Variants in PLPP2 observed in about 807,000 individuals in gnomAD.
PLPP2 encodes the protein phospholipid phosphatase 2.
In PLPP2, 29 loss-of-function variants were observed where a neutral mutation model predicts 35.2. The observed-to-expected ratio is 0.82, with a 90% confidence interval of 0.61 to 1.12. The LOEUF is 1.12. Among genes scored for constraint, PLPP2 ranks in the 50% most tolerant of loss-of-function variants. The pLI is 0.00. For synonymous variants in PLPP2, 162 were observed against 167.0 expected, an observed-to-expected ratio of 0.97 and a Z score of 0.23; for missense variants, 353 against 375.2, an observed-to-expected ratio of 0.94 and a Z score of 0.49.
Position 288,833 on chromosome 19 carries a change from A to G in PLPP2, c.53-662T>C, listed in dbSNP as rs192067869. Among the ~76,000 whole-genome samples the G allele has an allele frequency of 2.3e-3, 354 of 152,310 alleles. 3 individuals are homozygous for G. The highest frequency in any genetic ancestry group is 8.1e-3 in the African/African-American group (335 of 41,566). ...GAGGGGCCTACCGTATTCAGGGCAGAGTCCCTGGAGCCTGCTCAGGGCCTG... is the reference window on the plus strand; with the variant it reads ...GAGGGGCCTACCGTATTCAGGGCAGGGTCCCTGGAGCCTGCTCAGGGCCTG... On this transcript the variant is annotated intron_variant, in intron 1 of 5. Coordinates refer to ENST00000434325, the MANE Select transcript of PLPP2 (RefSeq NM_003712.4).
At position 287,536 on chromosome 19, in the gene PLPP2, G is replaced by T. The variant is rs761935368; in HGVS notation, c.420C>A (p.Cys140Ter). 6.2e-7 allele frequency: 1 copy of T among 1,613,748 alleles called. No homozygotes were observed. Among genetic ancestry groups the T allele is most frequent in the Non-Finnish European group, 8.5e-7 (1 of 1,180,032 alleles). Residue 140 changes from cysteine to a stop codon, truncating the protein, a stop_gained, in exon 3 of 6, where the codon TGC (cysteine) becomes TGA (stop). Coordinates refer to ENST00000434325, the MANE Select transcript of PLPP2 (RefSeq NM_003712.4). LOFTEE classifies it high-confidence loss of function. The surrounding 1 kb of genome is among the most constrained non-coding windows in gnomAD (Gnocchi z 4.3). ...VCDPDWSRVNCSVYVQLEKVC... is the reference protein window; with the variant it reads ...VCDPDWSRVN ...CCTTCTCCAGCTGCACATAGACCGA[G>T]CAGTTGACCCGGCTCCAGTCGGGGT...
chr19:284,828 G>A (rs981254275), intron 3 of PLPP2: 5 of 152,170 alleles, frequency 3.3e-5, no homozygotes, highest in Non-Finnish European at 7.3e-5. Context: ...TTGAAAATAG[G>A]TCAATTGGCC....
At chr19:282,402 G>A (rs1415734089) in intron 4 of PLPP2, 92 bp from the exon 5 acceptor site, 8 of 805,062 alleles carry the variant, frequency 9.9e-6, no homozygotes, top group East Asian at 5.7e-5. Flanking sequence ...CCTGCCAGGC[G>A]CTCCCCCTCC....
rs1370908059 is a variant in PLPP2, at chr19:291,367, C to A, written c.-31G>T. On this transcript the variant is annotated 5_prime_UTR_variant, in exon 1 of 6. Coordinates refer to ENST00000434325, the MANE Select transcript of PLPP2 (RefSeq NM_003712.4). ...CCGCGACCCCCGACGCCGGTCCCAG[C>A]GCGTCCCGTCGCGTCCCGGCCCGGC... is the stretch of plus-strand genomic sequence containing the variant. 1.9e-6 allele frequency: 3 copies of A among 1,573,058 alleles called. No homozygotes were observed. The highest frequency in any genetic ancestry group is 1.5e-5 in the African/African-American group (1 of 68,270).
In PLPP2 at chr19:287,433, C is replaced by T. The variant is rs775613597; in HGVS notation, c.482+41G>A. 2.5e-6 allele frequency: 4 copies of T among 1,575,678 alleles called. No individual in the cohort carries two copies. Among genetic ancestry groups the T allele is most frequent in the Admixed American group, 3.4e-5 (2 of 58,232 alleles). On this transcript the variant is annotated intron_variant, in intron 3 of 5. Transcript: ENST00000434325. This position sits in a 1 kb window ranked among gnomAD's most constrained non-coding sequence, Gnocchi z 4.3. ...TTTGGCTCCAGGGCCTTCTTCAGCT[C>T]CCATTCCCCACAAGAGTGAAGGCTG...
At chr19:290,505 G>A (rs774524767) in intron 1 of PLPP2, among the ~76,000 whole-genome samples, 4 of 152,162 alleles carry the variant, frequency 2.6e-5, no homozygotes, top group Non-Finnish European at 5.9e-5. Flanking sequence ...CTGTGAGATG[G>A]CAGAGAAGCA....
chr19:287,568 C>A lies in PLPP2; in HGVS notation c.388G>T (p.Val130Phe). ...IGRLRPNFLA[V>F]CDPDWSRVNC... ...ACCCGGCTCCAGTCGGGGTCGCAGACGGCTAGGAAGTTGGGCCTCAGACGC... is the reference window on the plus strand; with the variant it reads ...ACCCGGCTCCAGTCGGGGTCGCAGAAGGCTAGGAAGTTGGGCCTCAGACGC... The change falls in exon 3 of 6, where the codon GTC (valine) becomes TTC (phenylalanine). Residue 130 changes from valine to phenylalanine, a missense_variant. Val to Phe is a conservative substitution (Grantham distance 50). Coordinates refer to ENST00000434325, the MANE Select transcript of PLPP2 (RefSeq NM_003712.4). The surrounding 1 kb of genome is among the most constrained non-coding windows in gnomAD (Gnocchi z 4.3). The A allele has an allele frequency of 6.2e-7, 1 of 1,613,828 alleles. No homozygotes were observed. The highest frequency in any genetic ancestry group is 8.5e-7 in the Non-Finnish European group (1 of 1,180,044).
At position 287,686 on chromosome 19, in the gene PLPP2, G is replaced by A; in HGVS notation, c.270C>T (p.Asn90=). Reference sequence around the variant, plus strand: ...GCACCTTGTATACAGCAGCCACGTAGTTGTTGAAGTCCGAGCGAGAATAGA... The same window carrying A: ...GCACCTTGTATACAGCAGCCACGTAATTGTTGAAGTCCGAGCGAGAATAGA... ...DRLYSRSDFN[N]YVAAVYKVLG... is the part of the protein sequence containing the mutation. Residue 90 remains asparagine (N), a synonymous_variant, in exon 3 of 6, where the codon AAC becomes AAT. Coordinates refer to ENST00000434325, the MANE Select transcript of PLPP2 (RefSeq NM_003712.4). This position sits in a 1 kb window ranked among gnomAD's most constrained non-coding sequence, Gnocchi z 4.3. 6.2e-7 allele frequency: 1 copy of A among 1,613,966 alleles called. No individual in the cohort carries two copies. The highest frequency in any genetic ancestry group is 1.1e-5 in the South Asian group (1 of 91,090).
At chr19:289,476 G>A (rs1370806378) in intron 1 of PLPP2, among the ~76,000 whole-genome samples, 1 of 76,266 alleles carries the variant, frequency 1.3e-5, no homozygotes, top group Admixed American at 1.3e-4. Flanking sequence ...AGCACTTTGG[G>A]AGGCCGAGGC....
At chr19:291,159 C>G (rs1195654900) in intron 1 of PLPP2, 126 bp downstream of exon 1, 2 of 1,484,724 alleles carry the variant, frequency 1.3e-6, no homozygotes, top group Non-Finnish European at 1.8e-6. Context: ...GCGAGGTCCC[C>G]GCCTCCAGGG....
intron 1 of PLPP2, among the ~76,000 whole-genome samples, chr19:290,409 G>C (rs796723887): frequency 3.3e-5 from 5 of 152,332 alleles, no homozygotes; most frequent in African/African-American, 1.2e-4. Context: ...ACCACGGGCT[G>C]GCAGACACCC....
Position 287,144 on chromosome 19 carries a change from A to C in PLPP2, c.482+330T>G, listed in dbSNP as rs1399633377. 3.8e-6 allele frequency: 1 copy of C among 264,576 alleles called. No homozygotes were observed. Among genetic ancestry groups the C allele is most frequent in the African/African-American group, 2.2e-5 (1 of 45,174 alleles). The allele number at this position is 264,576 out of a possible 1,614,324, so 16.4% of individuals were successfully genotyped here. On this transcript the variant is annotated intron_variant, in intron 3 of 5. Transcript: ENST00000434325. The surrounding 1 kb of genome is among the most constrained non-coding windows in gnomAD (Gnocchi z 4.3). ...TAGCTATGTTAATATCAGACAAAAC[A>C]GACATCAAGACAAAAATTGTTGAGA...
At chr19:281,806 T>G (rs1286165203) in intron 5 of PLPP2, among the ~76,000 whole-genome samples, 2 of 58,322 alleles carry the variant, frequency 3.4e-5, no homozygotes, top group African/African-American at 1.3e-4. Context: ...TCCTGTGCAC[T>G]GGGGTGCAGG....
At chr19:289,481 C>T (rs1052883251) in intron 1 of PLPP2, among the ~76,000 whole-genome samples, 1 of 88,020 alleles carries the variant, frequency 1.1e-5, no homozygotes. Flanking sequence ...TTTGGGAGGC[C>T]GAGGCGGGCA....
chr19:288,060 C>A lies in PLPP2; in HGVS notation c.164G>T (p.Gly55Val). The A allele has an allele frequency of 6.2e-7, 1 of 1,613,880 alleles. No homozygotes were observed. The highest frequency in any genetic ancestry group is 8.5e-7 in the Non-Finnish European group (1 of 1,179,978). Residue 55 changes from glycine to valine, a missense_variant, in exon 2 of 6, where the codon GGG (glycine) becomes GTG (valine). By Grantham distance (109) the Gly-to-Val change is moderately radical. Coordinates refer to ENST00000434325, the MANE Select transcript of PLPP2 (RefSeq NM_003712.4). ...CGTGATGGTGACCCCAGCCATGAGC[C>A]CGTGGGTGATGGTATCTGGACGGTA... ...YPYRPDTITH[G>V]LMAGVTITAT... is the part of the protein sequence containing the mutation.
intron 4 of PLPP2, 140 bp downstream of exon 4, chr19:282,612 C>T (rs1970202773): frequency 1.0e-6 from 1 of 973,706 alleles, no homozygotes; most frequent in African/African-American, 1.6e-5. Context: ...CCCAGGGCCT[C>T]CCGTTTTTAT....
chr19:289,007 G>T (rs952354077), intron 1 of PLPP2, among the ~76,000 whole-genome samples: 1 of 151,732 alleles, frequency 6.6e-6, no homozygotes, highest in East Asian at 2.1e-4. Context: ...GACCAGCCAC[G>T]TGGTGACCAG....
At chr19:290,203 C>T (rs979603988) in intron 1 of PLPP2, among the ~76,000 whole-genome samples, 2 of 152,186 alleles carry the variant, frequency 1.3e-5, no homozygotes, top group Admixed American at 6.5e-5. Flanking sequence ...CCACCCCTGG[C>T]ACACAGCAGC....
At chr19:282,868 C>T (rs1692584451) in intron 3 of PLPP2, 59 bp from the exon 4 acceptor site, 2 of 1,515,284 alleles carry the variant, frequency 1.3e-6, no homozygotes, top group South Asian at 1.1e-5. Flanking sequence ...CCCCTTGTCC[C>T]CGCCCCGCCC....
Sources: allele counts gnomAD v4.1 joint callset (sites outside exome capture counted in the v4.1 genomes callset), GRCh38; gene constraint gnomAD v4.1.1; non-coding constraint Gnocchi (gnomAD v3.1); transcripts MANE v1.5; gene names NCBI Gene and HGNC (gene_info 2026-07-23, HGNC 2026-07-21).